Variants in ERGIC2 observed in about 807,000 individuals in gnomAD.
The protein encoded by ERGIC2 is ERGIC and golgi 2.
A neutral mutation model predicts 52.5 loss-of-function variants in ERGIC2; 31 were observed. That is an observed-to-expected ratio of 0.59 (90% CI 0.44 to 0.80). The LOEUF (loss-of-function observed/expected upper bound fraction) is 0.80. Among genes scored for constraint, ERGIC2 ranks in the 30% least tolerant of loss-of-function variants. The probability of loss-of-function intolerance (pLI) is 0.00; values close to 1 mark genes in which losing one functional copy is unlikely to be tolerated. For missense variants in ERGIC2, 395 were observed against 455.2 expected, an observed-to-expected ratio of 0.87 and a Z score of 1.20; for synonymous variants, 129 against 140.6, an observed-to-expected ratio of 0.92 and a Z score of 0.58.
intron 6 of ERGIC2, among the ~76,000 whole-genome samples, chr12:29,359,473 A>G (rs1229162867): frequency 6.6e-6 from 1 of 152,112 alleles, no homozygotes; most frequent in African/African-American, 2.4e-5. Flanking sequence ...ACATGAAAGT[A>G]TGCAGAAAAC....
Position 29,343,295 on chromosome 12 carries a change from CA to C in ERGIC2, c.826-14del. The C allele has an allele frequency of 6.4e-7, 1 of 1,560,488 alleles. No homozygotes were observed. The highest frequency in any genetic ancestry group is 8.7e-7 in the Non-Finnish European group (1 of 1,149,208). On this transcript the variant is annotated splice_polypyrimidine_tract_variant and intron_variant, in intron 11 of 13. Coordinates refer to ENST00000360150, the MANE Select transcript of ERGIC2 (RefSeq NM_016570.3). ...TAATGATACGTTCCTAAAAGGGAGG[CA>C]AAAGGAAGGGGAGAAATAGGAGGAA...
chr12:29,375,773 T>C (rs1940506498), intron 1 of ERGIC2, among the ~76,000 whole-genome samples: 1 of 152,154 alleles, frequency 6.6e-6, no homozygotes, highest in African/African-American at 2.4e-5. Context: ...CATCTCTAGC[T>C]TCCTCCATCC....
At chr12:29,352,095 G>T (rs1179331008) in intron 8 of ERGIC2, among the ~76,000 whole-genome samples, 1 of 151,958 alleles carries the variant, frequency 6.6e-6, no homozygotes, top group Admixed American at 6.6e-5. Context: ...AAATGTTGCA[G>T]GACAGGAATA....
chr12:29,356,719 T>C lies in ERGIC2; in HGVS notation c.477-242A>G, dbSNP rs562488553. On this transcript the variant is annotated intron_variant, in intron 7 of 13. Coordinates refer to ENST00000360150, the MANE Select transcript of ERGIC2 (RefSeq NM_016570.3). ...ATTTGAAATTCCATGGTTCTTCAAC[T>C]CTAACCAGAGGACTAAGTCCAGTGA... 3.3e-5 allele frequency among the ~76,000 whole-genome samples: 5 copies of C among 152,250 alleles called. No homozygotes were observed. The South Asian group carries it at 8.3e-4, about 25-fold the overall frequency.
intron 11 of ERGIC2, among the ~76,000 whole-genome samples, chr12:29,344,278 G>A (rs1434093575): frequency 6.6e-6 from 1 of 152,110 alleles, no homozygotes; most frequent in East Asian, 1.9e-4. Context: ...CTTTCTCGAA[G>A]TGCAATTGCT....
intron 5 of ERGIC2, 106 bp from the exon 6 acceptor site, chr12:29,361,791 T>C: frequency 1.3e-6 from 1 of 785,478 alleles, no homozygotes; most frequent in East Asian, 2.8e-5. Flanking sequence ...TTAAGTGTTG[T>C]TAAAAACAAG....
chr12:29,365,812 T>A (rs1313016338), intron 5 of ERGIC2, among the ~76,000 whole-genome samples: 2 of 152,008 alleles, frequency 1.3e-5, no homozygotes, highest in African/African-American at 4.8e-5. Flanking sequence ...CATATATGAA[T>A]CTGTAAGGTA....
At chr12:29,357,508 C>T in intron 7 of ERGIC2, 115 bp downstream of exon 7, 1 of 646,386 alleles carries the variant, frequency 1.5e-6, no homozygotes, top group Non-Finnish European at 2.8e-6. Context: ...CAGAATGATT[C>T]TATTTTCCCT....
At chr12:29,369,396 A>G (rs1940408185) in intron 3 of ERGIC2, among the ~76,000 whole-genome samples, 2 of 151,990 alleles carry the variant, frequency 1.3e-5, no homozygotes, top group Admixed American at 1.3e-4. Context: ...GTTACACAGC[A>G]ATTTACAAAT....
At chr12:29,364,493 A>G (rs190710346) in intron 5 of ERGIC2, among the ~76,000 whole-genome samples, 1 of 152,136 alleles carries the variant, frequency 6.6e-6, no homozygotes, top group Non-Finnish European at 1.5e-5. Context: ...TTAAACTATA[A>G]GAATCCTAGA....
intron 1 of ERGIC2, among the ~76,000 whole-genome samples, chr12:29,376,489 G>A (rs1227607978): frequency 1.3e-5 from 2 of 152,010 alleles, no homozygotes; most frequent in African/African-American, 4.8e-5. Context: ...TTTTTACCAT[G>A]TAAGCTTAAC....
In ERGIC2 at chr12:29,341,054, T is replaced by A; in HGVS notation, c.*102A>T. The A allele has an allele frequency of 1.2e-6, 1 of 833,460 alleles. No homozygotes were observed. The highest frequency in any genetic ancestry group is 2.7e-5 in the East Asian group (1 of 37,018). The allele number at this position is 833,460 out of a possible 1,614,324, so 51.6% of individuals were successfully genotyped here. On this transcript the variant is annotated 3_prime_UTR_variant, in exon 14 of 14. Coordinates refer to ENST00000360150, the MANE Select transcript of ERGIC2 (RefSeq NM_016570.3). ...TTTTAAAATAAGTATGTTTTCTGCT[T>A]ATTTGTGTTTTCTTTTCTTTGAATA... is the stretch of plus-strand genomic sequence containing the variant.
chr12:29,350,270 C>T (rs1398706900), intron 8 of ERGIC2, among the ~76,000 whole-genome samples: 1 of 151,984 alleles, frequency 6.6e-6, no homozygotes, highest in Non-Finnish European at 1.5e-5. Context: ...ACATTTTTGG[C>T]AAAGAGCCAG....
intron 8 of ERGIC2, among the ~76,000 whole-genome samples, chr12:29,352,923 T>C (rs1940152747): frequency 1.3e-5 from 2 of 152,208 alleles, no homozygotes; most frequent in African/African-American, 4.8e-5. Context: ...AGATCTCCTT[T>C]ATCACAATCC....
chr12:29,351,867 C>T (rs2065834712), intron 8 of ERGIC2, among the ~76,000 whole-genome samples: 1 of 152,086 alleles, frequency 6.6e-6, no homozygotes, highest in South Asian at 2.1e-4. Flanking sequence ...CTGATCATTG[C>T]TTTTTTATAG....
At chr12:29,350,128 T>C (rs1940111801) in intron 8 of ERGIC2, 60 bp from the exon 9 acceptor site, 4 of 961,952 alleles carry the variant, frequency 4.2e-6, no homozygotes, top group Non-Finnish European at 6.5e-6. Flanking sequence ...TTAATTAAAA[T>C]CAGAAACTGG....
intron 3 of ERGIC2, 76 bp from the exon 4 acceptor site, chr12:29,368,363 A>G: frequency 1.3e-6 from 1 of 761,816 alleles, no homozygotes; most frequent in East Asian, 2.7e-5. Context: ...CAACTGACCT[A>G]TTAAAAACTT....
chr12:29,368,069 T>A (rs1247391184), intron 4 of ERGIC2, among the ~76,000 whole-genome samples, 172 bp downstream of exon 4: 1 of 151,770 alleles, frequency 6.6e-6, no homozygotes, highest in Non-Finnish European at 1.5e-5. Flanking sequence ...AAAAGAAACT[T>A]GAAGAATATA....
chr12:29,340,778 C>A lies in ERGIC2; in HGVS notation c.*378G>T. The A allele has an allele frequency of 2.4e-6, 1 of 416,516 alleles. No homozygotes were observed. Among genetic ancestry groups the A allele is most frequent in the African/African-American group, 2.1e-5 (1 of 47,098 alleles). 25.8% of individuals were successfully genotyped at this position (416,516 alleles called of 1,614,324 possible). On this transcript the variant is annotated 3_prime_UTR_variant, in exon 14 of 14. Coordinates refer to ENST00000360150, the MANE Select transcript of ERGIC2 (RefSeq NM_016570.3). ...AAAAACAAAAGGATGCGAACATTTG[C>A]ACTTCTCAATGTTTTTTTTTTTCCC...
Sources: allele counts gnomAD v4.1 joint callset (sites outside exome capture counted in the v4.1 genomes callset), GRCh38; gene constraint gnomAD v4.1.1; transcripts MANE v1.5; gene names NCBI Gene and HGNC (gene_info 2026-07-23, HGNC 2026-07-21).